The following SGMS1 variants were observed in gnomAD, a reference collection of about 807,000 sequenced individuals.
SGMS1 encodes phosphatidylcholine:ceramide cholinephosphotransferase 1.
In SGMS1, 13 loss-of-function variants were observed where a neutral mutation model predicts 46.2. That is an observed-to-expected ratio of 0.28 (90% CI 0.18 to 0.45). The LOEUF (loss-of-function observed/expected upper bound fraction) is 0.45, where lower values mean the gene tolerates loss of function less well. SGMS1 is among the 20% of genes least tolerant of loss of function. The probability of loss-of-function intolerance (pLI) is 1.00; values close to 1 mark genes in which losing one functional copy is unlikely to be tolerated. For missense variants in SGMS1, 324 were observed against 519.9 expected (o/e 0.62, Z 3.66); for synonymous variants, 203 against 187.8 (o/e 1.08, Z -0.66).
intron 2 of SGMS1, among the ~76,000 whole-genome samples, chr10:50,520,824 A>G (rs1463152491): frequency 6.6e-6 from 1 of 152,160 alleles, no homozygotes; most frequent in East Asian, 1.9e-4. Flanking sequence ...TAGTTAAGAA[A>G]CACCTTATCT....
At chr10:50,326,874 G>C (rs900677277) in intron 8 of SGMS1, among the ~76,000 whole-genome samples, 1 of 152,030 alleles carries the variant, frequency 6.6e-6, no homozygotes, top group Non-Finnish European at 1.5e-5. Flanking sequence ...ACTTGAAATC[G>C]AGCTCTCCCT....
intron 6 of SGMS1, among the ~76,000 whole-genome samples, chr10:50,394,108 G>A (rs921126925): frequency 6.6e-6 from 1 of 152,154 alleles, no homozygotes; most frequent in Non-Finnish European, 1.5e-5. Context: ...TTTCTGCTTT[G>A]AGTTTTAAGA....
At chr10:50,548,973 G>A (rs1588873786) in intron 2 of SGMS1, among the ~76,000 whole-genome samples, 1 of 152,162 alleles carries the variant, frequency 6.6e-6, no homozygotes, top group African/African-American at 2.4e-5. Flanking sequence ...TTAGAGAAAT[G>A]CAAATCAAAA....
At chr10:50,384,845 A>G (rs933415056) in intron 6 of SGMS1, among the ~76,000 whole-genome samples, 3 of 152,200 alleles carry the variant, frequency 2.0e-5, no homozygotes, top group Non-Finnish European at 4.4e-5. Flanking sequence ...TTATATTATC[A>G]ACTTAGATGA....
chr10:50,372,247 T>C (rs1848447768), intron 6 of SGMS1, among the ~76,000 whole-genome samples: 1 of 152,222 alleles, frequency 6.6e-6, no homozygotes, highest in African/African-American at 2.4e-5. Context: ...GATCATAACA[T>C]ACTTATTAAA....
intron 6 of SGMS1, among the ~76,000 whole-genome samples, chr10:50,390,844 CAAAT>C (rs1848755254): frequency 6.6e-6 from 1 of 152,116 alleles, no homozygotes; most frequent in African/African-American, 2.4e-5. Context: ...ACTTTAGGCT[CAAAT>C]AAATTCCACT....
intron 5 of SGMS1, among the ~76,000 whole-genome samples, chr10:50,460,317 T>C (rs1405950432): frequency 1.3e-5 from 2 of 152,208 alleles, no homozygotes; most frequent in South Asian, 2.1e-4. Flanking sequence ...AGCTGGTTTA[T>C]GAGACACATT....
At chr10:50,309,173 T>G (rs1289051050) in intron 9 of SGMS1, among the ~76,000 whole-genome samples, 1 of 151,986 alleles carries the variant, frequency 6.6e-6, no homozygotes, top group Non-Finnish European at 1.5e-5. Context: ...GTATAGGGAG[T>G]GAAGGGCAGT....
At chr10:50,468,643 T>A (rs1204944588) in intron 3 of SGMS1, among the ~76,000 whole-genome samples, 7 of 152,168 alleles carry the variant, frequency 4.6e-5, no homozygotes, top group Admixed American at 4.6e-4. Flanking sequence ...TACCACCAGA[T>A]AATTATTGAA....
At chr10:50,390,841 G>A (rs1423875872) in intron 6 of SGMS1, among the ~76,000 whole-genome samples, 1 of 152,048 alleles carries the variant, frequency 6.6e-6, no homozygotes, top group African/African-American at 2.4e-5. Context: ...GACACTTTAG[G>A]CTCAAATAAA....
intron 5 of SGMS1, among the ~76,000 whole-genome samples, chr10:50,459,136 A>C (rs1261600316): frequency 4.6e-5 from 7 of 152,116 alleles, no homozygotes; most frequent in Admixed American, 2.6e-4. Context: ...ATAAAAGTCC[A>C]CTCCCGTCTC....
intron 6 of SGMS1, among the ~76,000 whole-genome samples, chr10:50,373,743 A>G (rs2133452000): frequency 6.6e-6 from 1 of 152,350 alleles, no homozygotes; most frequent in Middle Eastern, 3.4e-3. Flanking sequence ...AGATTCTGTC[A>G]GTACAAGAGG....
At chr10:50,536,527 T>C (rs1043422617) in intron 2 of SGMS1, among the ~76,000 whole-genome samples, 1 of 152,166 alleles carries the variant, frequency 6.6e-6, no homozygotes, top group Non-Finnish European at 1.5e-5. Context: ...TTAAACTGCT[T>C]AATTACAAAA....
chr10:50,574,984 T>A (rs996913431), intron 2 of SGMS1, among the ~76,000 whole-genome samples: 9 of 144,766 alleles, frequency 6.2e-5, no homozygotes, highest in South Asian at 2.2e-4. Context: ...TATATATATA[T>A]AAAACAAAGT....
intron 8 of SGMS1, 24 bp downstream of exon 8, chr10:50,327,181 A>G: frequency 7.1e-7 from 1 of 1,412,392 alleles, no homozygotes; most frequent in Non-Finnish European, 9.9e-7. Flanking sequence ...ACAGAAAGCG[A>G]AATTACAGCG....
chr10:50,501,541 C>G (rs1051579364), intron 3 of SGMS1, among the ~76,000 whole-genome samples: 1 of 152,044 alleles, frequency 6.6e-6, no homozygotes, highest in Non-Finnish European at 1.5e-5. Flanking sequence ...GATTCACACG[C>G]AGACCAAAAA....
At chr10:50,515,089 A>G (rs3011772) in intron 3 of SGMS1, among the ~76,000 whole-genome samples, 6,998 of 152,294 alleles carry the variant, frequency 0.046, 217 homozygotes, top group Non-Finnish European at 0.07. Context: ...AAACAGACTA[A>G]CTCATTATCT....
intron 6 of SGMS1, among the ~76,000 whole-genome samples, chr10:50,405,390 T>TG (rs1848998612): frequency 1.3e-5 from 2 of 152,332 alleles, no homozygotes; most frequent in South Asian, 4.1e-4. Flanking sequence ...GCAATGCAGA[T>TG]GGAGATAGAT....
At chr10:50,569,805 A>G in intron 2 of SGMS1, among the ~76,000 whole-genome samples, 1 of 152,132 alleles carries the variant, frequency 6.6e-6, no homozygotes, top group East Asian at 1.9e-4. Flanking sequence ...AGCCACTCCT[A>G]TGCAAGCTGG....
Sources: gnomAD v4.1 joint callset for allele counts (sites outside exome capture counted in the v4.1 genomes callset) on GRCh38, gnomAD v4.1.1 for gene constraint, MANE v1.5 for transcripts, NCBI Gene and HGNC (gene_info 2026-07-23, HGNC 2026-07-21) for gene names.